WNT3A: variants seen among roughly 807,000 people sequenced by gnomAD.
WNT3A encodes protein Wnt-3a.
In WNT3A, 17 loss-of-function variants were observed where a neutral mutation model predicts 37.0. That is an observed-to-expected ratio of 0.46 (90% CI 0.31 to 0.69). The LOEUF (loss-of-function observed/expected upper bound fraction) is 0.69. Among genes scored for constraint, WNT3A ranks in the 30% least tolerant of loss-of-function variants. The probability of loss-of-function intolerance (pLI) is 0.05; values close to 1 mark genes in which losing one functional copy is unlikely to be tolerated. For synonymous variants in WNT3A, 187 were observed against 211.0 expected, an observed-to-expected ratio of 0.89 and a Z score of 0.99; for missense variants, 411 against 510.2, an observed-to-expected ratio of 0.81 and a Z score of 1.87.
intron 1 of WNT3A, among the ~76,000 whole-genome samples, chr1:228,012,398 G>T (rs1289634331): frequency 6.6e-6 from 1 of 152,220 alleles, no homozygotes; most frequent in Non-Finnish European, 1.5e-5. Flanking sequence ...CATTGTAGCG[G>T]TTTGACGGTG....
intron 2 of WNT3A, among the ~76,000 whole-genome samples, chr1:228,032,038 C>A (rs185111987): frequency 3.2e-4 from 49 of 152,258 alleles, no homozygotes; most frequent in Non-Finnish European, 5.6e-4. Context: ...TCCCTAAAGC[C>A]CTGCTACCCT....
In WNT3A at chr1:228,060,400, A is replaced by G. The variant is rs903409221; in HGVS notation, c.*935A>G. 2 of 959,146 alleles carry G rather than the reference A, an allele frequency of 2.1e-6. No homozygotes were observed. The highest frequency in any genetic ancestry group is 2.4e-5 in the Admixed American group (1 of 40,908). The allele number at this position is 959,146 out of a possible 1,614,324, so 59.4% of individuals were successfully genotyped here. ...CTCCAGGCGCGCCGACGCCTGTGCC[A>G]CCCCTTCCTCAGCCTGGGGTTTGAC... On this transcript the variant is annotated 3_prime_UTR_variant, in exon 4 of 4. Transcript: ENST00000284523.
At chr1:228,029,829 A>G (rs1346000707) in intron 2 of WNT3A, among the ~76,000 whole-genome samples, 1 of 150,840 alleles carries the variant, frequency 6.6e-6, no homozygotes. Context: ...GGTCATGAGG[A>G]TAAAGCCTCA....
rs1390711359 is a variant in WNT3A, at chr1:228,050,646, C to G, written c.314-10C>G. Reference sequence around the variant, plus strand: ...GCCCTGTTAACCCTGCATCTCTCCTCTCTCTACAGCTACCAGGGAGTCGGC... The same window carrying G: ...GCCCTGTTAACCCTGCATCTCTCCTGTCTCTACAGCTACCAGGGAGTCGGC... On this transcript the variant is annotated splice_polypyrimidine_tract_variant and intron_variant, in intron 2 of 3. Coordinates refer to ENST00000284523, the MANE Select transcript of WNT3A (RefSeq NM_033131.4). This position sits in a 1 kb window ranked among gnomAD's most constrained non-coding sequence, Gnocchi z 5.0. 3.2e-6 allele frequency: 5 copies of G among 1,585,084 alleles called. No homozygotes were observed. The South Asian group carries it at 5.7e-5, about 18-fold the overall frequency.
chr1:228,042,058 A>G lies in WNT3A; in HGVS notation c.314-8598A>G, dbSNP rs1451145004. 1.3e-5 allele frequency among the ~76,000 whole-genome samples: 2 copies of G among 152,028 alleles called. No individual in the cohort carries two copies. Among genetic ancestry groups the G allele is most frequent in the South Asian group, 2.1e-4 (1 of 4,822 alleles). ...CAGTGGTGTGACCTCGGCTCACTGCAACCTCCGCCTCCCGGGTTCAAGCGA... is the reference window on the plus strand; with the variant it reads ...CAGTGGTGTGACCTCGGCTCACTGCGACCTCCGCCTCCCGGGTTCAAGCGA... On this transcript the variant is annotated intron_variant, in intron 2 of 3. Transcript: ENST00000284523. The surrounding 1 kb of genome is among the most constrained non-coding windows in gnomAD (Gnocchi z 5.2).
intron 2 of WNT3A, among the ~76,000 whole-genome samples, chr1:228,025,731 A>G (rs79428478): frequency 0.013 from 1,918 of 151,070 alleles, 19 homozygotes; most frequent in Middle Eastern, 0.024. Flanking sequence ...CCTAAGTACT[A>G]TTTTTCTTTT....
chr1:228,060,755 C>G lies in WNT3A; in HGVS notation c.*1290C>G, dbSNP rs1217854118. On this transcript the variant is annotated 3_prime_UTR_variant, in exon 4 of 4. Transcript: ENST00000284523. ...GAGAGATAGAAGCCTCTCGTCCCGT[C>G]CCTCCCTTTCCTCCGCCTGTCCACA... The G allele has an allele frequency of 6.4e-6, 1 of 155,352 alleles. No individual in the cohort carries two copies. Among genetic ancestry groups the G allele is most frequent in the Non-Finnish European group, 1.4e-5 (1 of 69,872 alleles). The allele number at this position is 155,352 out of a possible 1,614,324, so 9.6% of individuals were successfully genotyped here.
intron 1 of WNT3A, among the ~76,000 whole-genome samples, chr1:228,016,878 A>G (rs2030548547): frequency 6.6e-6 from 1 of 151,292 alleles, no homozygotes; most frequent in African/African-American, 2.4e-5. Flanking sequence ...CAGAGGGAGA[A>G]CTCCCTCATT....
intron 2 of WNT3A, among the ~76,000 whole-genome samples, chr1:228,023,237 A>G (rs953817733): frequency 2.6e-5 from 4 of 152,226 alleles, no homozygotes; most frequent in Non-Finnish European, 5.9e-5. Context: ...TTAAAGACCT[A>G]CAAGAAGGGA....
chr1:228,025,209 C>T (rs1295297416), intron 2 of WNT3A, among the ~76,000 whole-genome samples: 2 of 152,060 alleles, frequency 1.3e-5, no homozygotes, highest in African/African-American at 2.4e-5. Context: ...AAAAAAAATG[C>T]TGCTGGGATT....
chr1:228,014,556 G>C (rs983195210), intron 1 of WNT3A, among the ~76,000 whole-genome samples: 13 of 152,242 alleles, frequency 8.5e-5, no homozygotes, highest in Non-Finnish European at 1.6e-4. Context: ...GGCTGGATAT[G>C]GTGGCCACTC....
intron 2 of WNT3A, among the ~76,000 whole-genome samples, chr1:228,048,670 T>G (rs1443142713): frequency 6.6e-6 from 1 of 152,170 alleles, no homozygotes; most frequent in Non-Finnish European, 1.5e-5. Flanking sequence ...ACTCAAGTGA[T>G]CTTCCTGCCT....
At chr1:228,030,017 T>C (rs2030960024) in intron 2 of WNT3A, among the ~76,000 whole-genome samples, 1 of 152,088 alleles carries the variant, frequency 6.6e-6, no homozygotes. Flanking sequence ...GAGTCCAGGT[T>C]GAGGCTACAA....
intron 1 of WNT3A, among the ~76,000 whole-genome samples, chr1:228,015,520 G>A (rs907368382): frequency 6.6e-6 from 1 of 152,208 alleles, no homozygotes; most frequent in Non-Finnish European, 1.5e-5. Flanking sequence ...TCACAGGCTC[G>A]GGGTGCAGGG....
chr1:228,041,692 T>A (rs938241812), intron 2 of WNT3A, among the ~76,000 whole-genome samples: 2 of 152,164 alleles, frequency 1.3e-5, no homozygotes, highest in East Asian at 3.9e-4. Context: ...AGCCTTGCTA[T>A]GTGTCCTTGT....
rs1354622770 is a variant in WNT3A, at chr1:228,038,677, T to C, written c.314-11979T>C. 6.6e-6 allele frequency among the ~76,000 whole-genome samples: 1 copy of C among 152,074 alleles called. No individual in the cohort carries two copies. The highest frequency in any genetic ancestry group is 1.5e-5 in the Non-Finnish European group (1 of 68,004). On this transcript the variant is annotated intron_variant, in intron 2 of 3. Transcript: ENST00000284523. This position sits in a 1 kb window ranked among gnomAD's most constrained non-coding sequence, Gnocchi z 5.7. ...GGTGGCCACTGTCCCCACAACTCTATGGGTCCCAGGTATGTGGTGGGGGTG... is the reference window on the plus strand; with the variant it reads ...GGTGGCCACTGTCCCCACAACTCTACGGGTCCCAGGTATGTGGTGGGGGTG...
At position 228,008,573 on chromosome 1, in the gene WNT3A, C is replaced by T. The variant is rs945450344; in HGVS notation, c.71+1374C>T. On this transcript the variant is annotated intron_variant, in intron 1 of 3. Transcript: ENST00000284523. The surrounding 1 kb of genome is among the most constrained non-coding windows in gnomAD (Gnocchi z 4.9). ...ATTTCCCGTGCGGCACCTGCTGCGC[C>T]CAGTGGCCCACCTGAGGGTCAGGCT... is the stretch of plus-strand genomic sequence containing the variant. Among the ~76,000 whole-genome samples, 11 of 152,116 alleles carry T rather than the reference C, an allele frequency of 7.2e-5. No homozygotes were observed. The highest frequency in any genetic ancestry group is 6.5e-4 in the Admixed American group (10 of 15,280).
At position 228,042,110 on chromosome 1, in the gene WNT3A, C is replaced by G. The variant is rs2031298290; in HGVS notation, c.314-8546C>G. 6.6e-6 allele frequency among the ~76,000 whole-genome samples: 1 copy of G among 152,136 alleles called. No individual in the cohort carries two copies. The highest frequency in any genetic ancestry group is 1.5e-5 in the Non-Finnish European group (1 of 68,040). Reference sequence around the variant, plus strand: ...TCTCCCACCTCAGCCTCTTGAGTAGCTGGCACTACAGGTGCACGCCACCAT... The same window carrying G: ...TCTCCCACCTCAGCCTCTTGAGTAGGTGGCACTACAGGTGCACGCCACCAT... On this transcript the variant is annotated intron_variant, in intron 2 of 3. Transcript: ENST00000284523. The surrounding 1 kb of genome is among the most constrained non-coding windows in gnomAD (Gnocchi z 5.2).
intron 2 of WNT3A, among the ~76,000 whole-genome samples, chr1:228,041,432 C>T (rs1463091360): frequency 1.3e-5 from 2 of 151,928 alleles, no homozygotes; most frequent in African/African-American, 4.8e-5. Flanking sequence ...TCAATTCATC[C>T]ATCCATCCAT....
Sources: allele counts gnomAD v4.1 joint callset (sites outside exome capture counted in the v4.1 genomes callset), GRCh38; gene constraint gnomAD v4.1.1; non-coding constraint Gnocchi (gnomAD v3.1); transcripts MANE v1.5; gene names NCBI Gene and HGNC (gene_info 2026-07-23, HGNC 2026-07-21).